Variants in NCKAP5 observed in about 807,000 individuals in gnomAD.
The protein encoded by NCKAP5 is NCK associated protein 5, also known as nck-associated protein 5.
A neutral mutation model predicts 167.0 loss-of-function variants in NCKAP5; 92 were observed. That is an observed-to-expected ratio of 0.55 (90% CI 0.47 to 0.66). The LOEUF is 0.66. Among genes scored for constraint, NCKAP5 ranks in the 30% least tolerant of loss-of-function variants. NCKAP5 has a pLI of 0.00. For synonymous variants in NCKAP5, 891 were observed against 877.4 expected, an observed-to-expected ratio of 1.02 and a Z score of -0.27; for missense variants, 2,378 against 2,315.0, an observed-to-expected ratio of 1.03 and a Z score of -0.56.
intron 6 of NCKAP5, among the ~76,000 whole-genome samples, chr2:133,036,493 T>C (rs527269634): frequency 6.6e-6 from 1 of 152,134 alleles, no homozygotes; most frequent in Admixed American, 6.5e-5. Context: ...TTTTTATCCC[T>C]GGGATGCAAG....
intron 3 of NCKAP5, among the ~76,000 whole-genome samples, chr2:133,476,943 C>T (rs911204662): frequency 5.3e-5 from 8 of 152,136 alleles, no homozygotes; most frequent in Non-Finnish European, 1.2e-4. Context: ...GGAATGCATG[C>T]CATGGTCCCT....
In NCKAP5 at chr2:132,783,438, C is replaced by CGGGTGATGA; in HGVS notation, c.3364_3372dup (p.Ser1122_Pro1124dup). 2.5e-6 allele frequency: 4 copies of CGGGTGATGA among 1,584,256 alleles called. No individual in the cohort carries two copies. Among genetic ancestry groups the CGGGTGATGA allele is most frequent in the Non-Finnish European group, 3.4e-6 (4 of 1,165,632 alleles). On this transcript the variant is annotated inframe_insertion, in exon 14 of 20. Coordinates refer to ENST00000409261, the MANE Select transcript of NCKAP5 (RefSeq NM_207363.3). ...CCATGAGGGCTGTTATGGCTTTTGG[C>CGGGTGATGA]GGGTGATGAGGATGATGAGGAACTG...
At chr2:133,672,197 A>G in the NCKAP5 span, among the ~76,000 whole-genome samples, 21 of 152,344 alleles carry the variant, frequency 1.4e-4, no homozygotes, top group African/African-American at 4.8e-4. Flanking sequence ...TAGGTAAAGC[A>G]AACATCAGCA....
chr2:132,884,840 C>T (rs911490014), intron 8 of NCKAP5, among the ~76,000 whole-genome samples: 1 of 152,194 alleles, frequency 6.6e-6, no homozygotes, highest in Non-Finnish European at 1.5e-5. Context: ...GATATCTACA[C>T]CTCGCTCCTA....
chr2:133,182,905 T>C (rs2084794745), intron 5 of NCKAP5, among the ~76,000 whole-genome samples: 1 of 151,998 alleles, frequency 6.6e-6, no homozygotes, highest in Non-Finnish European at 1.5e-5. Flanking sequence ...AAATTACCAA[T>C]AGTAGGAAGA....
At chr2:133,101,073 T>C (rs1195064463) in intron 6 of NCKAP5, among the ~76,000 whole-genome samples, 3 of 151,630 alleles carry the variant, frequency 2.0e-5, no homozygotes, top group Admixed American at 1.3e-4. Context: ...TTGAATTGAT[T>C]TTTGTATAAG....
At chr2:133,379,606 C>T (rs1686380071) in intron 3 of NCKAP5, among the ~76,000 whole-genome samples, 1 of 152,166 alleles carries the variant, frequency 6.6e-6, no homozygotes, top group East Asian at 1.9e-4. Context: ...TGGACAGGAA[C>T]CATGGCCTTC....
chr2:132,983,803 T>G (rs1559018969), intron 7 of NCKAP5, among the ~76,000 whole-genome samples: 1 of 152,180 alleles, frequency 6.6e-6, no homozygotes, highest in Non-Finnish European at 1.5e-5. Flanking sequence ...CACCTCTGGA[T>G]AGTTTCACAG....
chr2:133,326,680 C>T (rs1472088733), intron 3 of NCKAP5, among the ~76,000 whole-genome samples: 1 of 152,048 alleles, frequency 6.6e-6, no homozygotes, highest in Non-Finnish European at 1.5e-5. Flanking sequence ...CCATAGCTCC[C>T]ATCTCCACTG....
At chr2:132,707,490 G>A (rs748857298) in intron 19 of NCKAP5, among the ~76,000 whole-genome samples, 11 of 152,192 alleles carry the variant, frequency 7.2e-5, no homozygotes, top group South Asian at 2.1e-4. Flanking sequence ...GGAGCCAGTC[G>A]ACTGTAGGGG....
At chr2:133,383,459 T>G (rs1424169686) in intron 3 of NCKAP5, among the ~76,000 whole-genome samples, 1 of 152,234 alleles carries the variant, frequency 6.6e-6, no homozygotes, top group Non-Finnish European at 1.5e-5. Flanking sequence ...TAATCCAGTC[T>G]ATCATTGTTG....
Position 133,291,864 on chromosome 2 carries a change from C to A in NCKAP5, c.143+11173G>T, listed in dbSNP as rs146714741. 2.0e-5 allele frequency among the ~76,000 whole-genome samples: 3 copies of A among 152,324 alleles called. No individual in the cohort carries two copies. The East Asian group carries it at 5.8e-4, about 29-fold the overall frequency. On this transcript the variant is annotated intron_variant, in intron 4 of 19. Coordinates refer to ENST00000409261, the MANE Select transcript of NCKAP5 (RefSeq NM_207363.3). ...ATTCCTGATTCTTTGATTCAAGGAA[C>A]CTTGCCATCCTTAGCTCTTTGGATT...
At chr2:133,207,766 A>G (rs1437603221) in intron 5 of NCKAP5, among the ~76,000 whole-genome samples, 1 of 152,236 alleles carries the variant, frequency 6.6e-6, no homozygotes, top group Admixed American at 6.5e-5. Context: ...TGCAAAGTAT[A>G]AAATAAATAC....
chr2:133,015,098 A>G (rs530542329), intron 6 of NCKAP5, among the ~76,000 whole-genome samples: 2 of 152,348 alleles, frequency 1.3e-5, no homozygotes, highest in East Asian at 3.9e-4. Flanking sequence ...GGCTTTAATA[A>G]TGACAGCAGT....
At chr2:133,509,620 T>C (rs73003138) in intron 3 of NCKAP5, among the ~76,000 whole-genome samples, 17,699 of 152,236 alleles carry the variant, frequency 0.12, 1,898 homozygotes, top group African/African-American at 0.28. Flanking sequence ...ACATGGCCCA[T>C]GCCCTCAGGA....
At chr2:133,512,856 C>T (rs187674384) in intron 3 of NCKAP5, among the ~76,000 whole-genome samples, 295 of 152,242 alleles carry the variant, frequency 1.9e-3, no homozygotes, top group Non-Finnish European at 2.5e-3. Context: ...CCCATGGCCC[C>T]TCCATGTAGT....
intron 2 of NCKAP5, among the ~76,000 whole-genome samples, chr2:133,539,073 TG>T (rs1686010274): frequency 6.6e-6 from 1 of 151,490 alleles, no homozygotes; most frequent in African/African-American, 2.4e-5. Context: ...CCCAAGTAGC[TG>T]GGACTACAGG....
intron 6 of NCKAP5, among the ~76,000 whole-genome samples, chr2:133,054,419 C>G (rs1392311222): frequency 6.6e-6 from 1 of 152,152 alleles, no homozygotes; most frequent in Non-Finnish European, 1.5e-5. Context: ...GTTAGAGAAG[C>G]TCTAATGTAG....
rs184435094 is a variant in NCKAP5 at position 132,821,686 on chromosome 2, G to C, written c.808-24957C>G. On this transcript the variant is annotated intron_variant, in intron 11 of 19. Transcript: ENST00000409261. The stretch of plus-strand genomic sequence containing the variant: ...GGTAGCTCACAGTCTGGGGCAAAGT[G>C]TGAGTGGGGAACTGCAGGAGTGAGA... 1.4e-3 allele frequency among the ~76,000 whole-genome samples: 210 copies of C among 152,274 alleles called. 1 individual carries two copies. Among genetic ancestry groups the C allele is most frequent in the African/African-American group, 4.8e-3 (199 of 41,550 alleles).
Sources: gnomAD v4.1 joint callset for allele counts (sites outside exome capture counted in the v4.1 genomes callset) on GRCh38, gnomAD v4.1.1 for gene constraint, MANE v1.5 for transcripts, NCBI Gene and HGNC (gene_info 2026-07-23, HGNC 2026-07-21) for gene names.